Variants in CTNNA3 observed in about 807,000 individuals in gnomAD.
CTNNA3 encodes the protein catenin alpha-3.
CTNNA3 carries 76 observed loss-of-function variants against 95.7 expected under a neutral mutation model. That is an observed-to-expected ratio of 0.79 (90% CI 0.66 to 0.96). CTNNA3 has a LOEUF of 0.96. Among genes scored for constraint, CTNNA3 ranks in the 40% least tolerant of loss-of-function variants. The probability of loss-of-function intolerance (pLI) is 0.00; values close to 1 mark genes in which losing one functional copy is unlikely to be tolerated. For synonymous variants in CTNNA3, 431 were observed against 374.4 expected (o/e 1.15, Z -1.74); for missense variants, 1,191 against 1,089.8 (o/e 1.09, Z -1.31).
intron 17 of CTNNA3, among the ~76,000 whole-genome samples, chr10:65,921,393 T>C (rs1457973251): frequency 6.6e-6 from 1 of 152,170 alleles, no homozygotes; most frequent in Non-Finnish European, 1.5e-5. Flanking sequence ...CAAAACCCTA[T>C]TGTAATTAGT....
chr10:67,407,652 C>T lies in CTNNA3; in HGVS notation c.579+114190G>A, dbSNP rs142525010. 3.4e-3 allele frequency among the ~76,000 whole-genome samples: 511 copies of T among 152,152 alleles called. 13 individuals are homozygous for T. In the East Asian group the frequency reaches 0.068, roughly 20 times the overall value. On this transcript the variant is annotated intron_variant, in intron 5 of 17. Transcript: ENST00000433211. ...TCTTCGTTTGCAGGTGACATAATTG[C>T]GTATCTAGAAAACCCCACTGACTCA...
rs1049905271 is a variant in CTNNA3, at chr10:66,020,319, A to ACAT, written c.2160-31525_2160-31523dup. On this transcript the variant is annotated intron_variant, in intron 15 of 17. Coordinates refer to ENST00000433211, the MANE Select transcript of CTNNA3 (RefSeq NM_013266.4). Reference sequence around the variant, plus strand: ...AAATAGACAGGAGGGAGTGGCTGGCACATATGAGTTCCTGGGAAGAGACTG... The same window carrying ACAT: ...AAATAGACAGGAGGGAGTGGCTGGCACATCATATGAGTTCCTGGGAAGAGACTG... Among the ~76,000 whole-genome samples, 141 of 152,322 alleles carry ACAT rather than the reference A, an allele frequency of 9.3e-4. 1 individual carries two copies. Among genetic ancestry groups the ACAT allele is most frequent in the African/African-American group, 3.3e-3 (136 of 41,586 alleles).
At chr10:66,886,439 T>TGGGAA (rs1260522784) in intron 7 of CTNNA3, among the ~76,000 whole-genome samples, 1 of 152,148 alleles carries the variant, frequency 6.6e-6, no homozygotes. Flanking sequence ...TCCCTGATAC[T>TGGGAA]GGGACCCTTA....
At chr10:66,091,844 A>G (rs2081225400) in intron 14 of CTNNA3, among the ~76,000 whole-genome samples, 2 of 151,912 alleles carry the variant, frequency 1.3e-5, no homozygotes, top group Non-Finnish European at 2.9e-5. Flanking sequence ...GGAAAAAAAA[A>G]TGGTCACCAA....
intron 1 of CTNNA3, among the ~76,000 whole-genome samples, chr10:67,657,459 A>C (rs568581070): frequency 6.6e-6 from 1 of 152,288 alleles, no homozygotes; most frequent in South Asian, 2.1e-4. Flanking sequence ...TTGCAAGTGA[A>C]TGGAAATACA....
At chr10:67,066,434 G>A (rs182255648) in intron 7 of CTNNA3, among the ~76,000 whole-genome samples, 266 of 150,818 alleles carry the variant, frequency 1.8e-3, no homozygotes, top group Middle Eastern at 7.0e-3. Context: ...CTCGTGATCC[G>A]CCTGCCTTGG....
intron 8 of CTNNA3, among the ~76,000 whole-genome samples, chr10:66,768,118 T>A: frequency 6.6e-6 from 1 of 152,230 alleles, no homozygotes; most frequent in East Asian, 1.9e-4. Flanking sequence ...AAGTTTCAGA[T>A]ACTGAAGAGA....
chr10:67,011,088 G>C (rs1028057271), intron 7 of CTNNA3, among the ~76,000 whole-genome samples: 1 of 152,198 alleles, frequency 6.6e-6, no homozygotes, highest in East Asian at 1.9e-4. Context: ...CCAGCACTTT[G>C]GGAGGCCAAG....
chr10:67,045,003 T>C (rs1854640068), intron 7 of CTNNA3, among the ~76,000 whole-genome samples: 1 of 152,194 alleles, frequency 6.6e-6, no homozygotes, highest in South Asian at 2.1e-4. Context: ...TAGGAGACGC[T>C]CAATAAATGT....
At chr10:66,853,726 T>C (rs958953515) in intron 7 of CTNNA3, among the ~76,000 whole-genome samples, 1 of 151,948 alleles carries the variant, frequency 6.6e-6, no homozygotes, top group African/African-American at 2.4e-5. Context: ...GACAAAAAAA[T>C]TCTGCCGAAC....
intron 16 of CTNNA3, among the ~76,000 whole-genome samples, chr10:65,969,705 C>T (rs958986428): frequency 2.8e-4 from 43 of 151,880 alleles, no homozygotes; most frequent in African/African-American, 9.4e-4. Context: ...TGAATTGACC[C>T]AGTCGGAAAA....
chr10:67,566,008 C>A (rs28806171), intron 3 of CTNNA3, among the ~76,000 whole-genome samples: 1 of 92,098 alleles, frequency 1.1e-5, no homozygotes, highest in Non-Finnish European at 2.1e-5. Context: ...TATATATATA[C>A]ACACACAAAC....
intron 13 of CTNNA3, among the ~76,000 whole-genome samples, chr10:66,192,036 T>G (rs996721703): frequency 1.3e-5 from 2 of 152,196 alleles, no homozygotes; most frequent in Non-Finnish European, 2.9e-5. Flanking sequence ...CTTCACCAGA[T>G]GACAGCCTCT....
chr10:66,683,894 C>A (rs1160704925), intron 9 of CTNNA3, among the ~76,000 whole-genome samples: 4 of 152,044 alleles, frequency 2.6e-5, no homozygotes, highest in Non-Finnish European at 4.4e-5. Flanking sequence ...AAACCCCCAG[C>A]AAAATTGCAA....
At chr10:67,481,659 A>T (rs1250414262) in intron 5 of CTNNA3, among the ~76,000 whole-genome samples, 1 of 152,224 alleles carries the variant, frequency 6.6e-6, no homozygotes, top group Non-Finnish European at 1.5e-5. Context: ...GCCCTTTGTC[A>T]GATGAGTAGG....
At chr10:67,124,373 T>TGTGTGG (rs1240882025) in intron 7 of CTNNA3, among the ~76,000 whole-genome samples, 17 of 143,498 alleles carry the variant, frequency 1.2e-4, no homozygotes, top group African/African-American at 4.4e-4. Context: ...TGTGTGTGTG[T>TGTGTGG]GGTCTATAAA....
chr10:65,970,313 C>A lies in CTNNA3; in HGVS notation c.2266-3567G>T, dbSNP rs140362489. On this transcript the variant is annotated intron_variant, in intron 16 of 17. Transcript: ENST00000433211. ...GGGGAAAATATAGAGCTGATACCTG[C>A]TACCACAAAAACACAAGTACAGAGC... is the stretch of plus-strand genomic sequence containing the variant. 2.5e-3 allele frequency among the ~76,000 whole-genome samples: 379 copies of A among 152,170 alleles called. 4 individuals are homozygous for A. The highest frequency in any genetic ancestry group is 8.8e-3 in the African/African-American group (364 of 41,554).
chr10:66,330,784 C>A (rs74984846), intron 12 of CTNNA3, among the ~76,000 whole-genome samples: 1 of 151,866 alleles, frequency 6.6e-6, no homozygotes, highest in Non-Finnish European at 1.5e-5. Flanking sequence ...GAGATGGTAT[C>A]TCATTGTGGT....
intron 13 of CTNNA3, among the ~76,000 whole-genome samples, chr10:66,228,342 C>T (rs10822758): frequency 0.99 from 150,383 of 152,082 alleles, 74,362 homozygotes; most frequent in East Asian, 1. Context: ...CTGTATCTCA[C>T]AGGTTTTGGT....
Sources: allele counts gnomAD v4.1 joint callset (sites outside exome capture counted in the v4.1 genomes callset), GRCh38; gene constraint gnomAD v4.1.1; transcripts MANE v1.5; gene names NCBI Gene and HGNC (gene_info 2026-07-23, HGNC 2026-07-21).